The following MRAP2 variants were observed in gnomAD, a reference collection of about 807,000 sequenced individuals.
MRAP2 encodes the protein melanocortin 2 receptor accessory protein 2.
In MRAP2, 20 loss-of-function variants were observed where a neutral mutation model predicts 17.4. The observed-to-expected ratio is 1.15, with a 90% CI of 0.81 to 1.67. MRAP2 has a LOEUF of 1.67. Ranked by LOEUF, MRAP2 falls within the 40% of genes most tolerant of loss-of-function variation. The pLI, the probability that MRAP2 is intolerant of heterozygous loss-of-function variation, is 0.00. For synonymous variants in MRAP2, 96 were observed against 88.4 expected (o/e 1.09, Z -0.48); for missense variants, 238 against 240.0 (o/e 0.99, Z 0.05).
chr6:84,086,144 G>A (rs997458982), intron 3 of MRAP2, among the ~76,000 whole-genome samples: 2 of 152,206 alleles, frequency 1.3e-5, no homozygotes, highest in Non-Finnish European at 2.9e-5. Flanking sequence ...ACATGGTAAT[G>A]GGTCATTGCA....
chr6:84,092,365 C>A (rs947117114), downstream of MRAP2, among the ~76,000 whole-genome samples: 1 of 152,146 alleles, frequency 6.6e-6, no homozygotes, highest in Non-Finnish European at 1.5e-5. Context: ...TCTATATGCA[C>A]AATACATACA....
intron 3 of MRAP2, among the ~76,000 whole-genome samples, chr6:84,073,763 G>T (rs2099496841): frequency 1.3e-5 from 2 of 152,130 alleles, no homozygotes; most frequent in South Asian, 2.1e-4. Flanking sequence ...AGAAGTGTCT[G>T]CCTCCTGGGA....
At chr6:84,121,630 T>A in the MRAP2 span, among the ~76,000 whole-genome samples, 1 of 151,842 alleles carries the variant, frequency 6.6e-6, no homozygotes, top group African/African-American at 2.4e-5. Flanking sequence ...GGTGACGGAG[T>A]AAGACTCCGT....
chr6:84,145,285 C>G, the MRAP2 span, among the ~76,000 whole-genome samples: 1 of 152,062 alleles, frequency 6.6e-6, no homozygotes, highest in Non-Finnish European at 1.5e-5. Context: ...CTTTGGCATG[C>G]GTTTCTAGCC....
chr6:84,133,751 G>C, the MRAP2 span, among the ~76,000 whole-genome samples: 1 of 152,146 alleles, frequency 6.6e-6, no homozygotes, highest in Non-Finnish European at 1.5e-5. Flanking sequence ...CGATTTTCCA[G>C]GTACCGTCTA....
At chr6:84,103,438 T>G in the MRAP2 span, among the ~76,000 whole-genome samples, 1 of 152,100 alleles carries the variant, frequency 6.6e-6, no homozygotes, top group Non-Finnish European at 1.5e-5. Flanking sequence ...CTGCCCTTTT[T>G]TTGCTACAGC....
At chr6:84,072,684 G>A (rs1194748004) in intron 3 of MRAP2, among the ~76,000 whole-genome samples, 1 of 152,156 alleles carries the variant, frequency 6.6e-6, no homozygotes, top group Non-Finnish European at 1.5e-5. Context: ...GGATAGGGAA[G>A]GACCATCGGG....
chr6:84,143,465 T>C, the MRAP2 span, among the ~76,000 whole-genome samples: 1 of 151,794 alleles, frequency 6.6e-6, no homozygotes, highest in Admixed American at 6.6e-5. Context: ...ACAAGGAAAA[T>C]AAGATGTAGT....
intron 3 of MRAP2, among the ~76,000 whole-genome samples, chr6:84,076,876 T>A (rs1206164882): frequency 6.6e-6 from 1 of 152,232 alleles, no homozygotes; most frequent in African/African-American, 2.4e-5. Context: ...ACTTGTGTTG[T>A]CCCTCTGCAA....
the MRAP2 span, among the ~76,000 whole-genome samples, chr6:84,138,587 T>A: frequency 6.6e-6 from 1 of 152,188 alleles, no homozygotes; most frequent in Admixed American, 6.5e-5. Flanking sequence ...TGTCATTACC[T>A]TTACTCAGGA....
At chr6:84,070,972 T>C (rs1588648126) in intron 3 of MRAP2, among the ~76,000 whole-genome samples, 1 of 152,278 alleles carries the variant, frequency 6.6e-6, no homozygotes, top group African/African-American at 2.4e-5. Context: ...GTTAGGTGAG[T>C]CTCCTGAAGA....
intron 1 of MRAP2, among the ~76,000 whole-genome samples, chr6:84,052,492 C>T (rs566604665): frequency 1.3e-5 from 2 of 152,224 alleles, no homozygotes; most frequent in African/African-American, 2.4e-5. Flanking sequence ...CTAGCACTGC[C>T]GTATGTTTGT....
chr6:84,057,837 C>T (rs572336978), intron 2 of MRAP2, among the ~76,000 whole-genome samples: 40 of 151,940 alleles, frequency 2.6e-4, no homozygotes, highest in African/African-American at 6.8e-4. Flanking sequence ...AGTGTGGAGG[C>T]GACAGTATAG....
At chr6:84,110,434 G>T in the MRAP2 span, among the ~76,000 whole-genome samples, 372 of 151,184 alleles carry the variant, frequency 2.5e-3, 1 homozygote, top group African/African-American at 8.1e-3. Flanking sequence ...TTTTGATGGG[G>T]TTTTTTTTTC....
intron 3 of MRAP2, among the ~76,000 whole-genome samples, chr6:84,087,536 T>A (rs998592594): frequency 6.6e-6 from 1 of 152,170 alleles, no homozygotes; most frequent in Non-Finnish European, 1.5e-5. Context: ...AGGTCACAGG[T>A]TGCTGGCACA....
Position 84,089,124 on chromosome 6 carries a change from G to C in MRAP2, c.261G>C (p.Met87Ile), listed in dbSNP as rs774617391. Residue 87 changes from methionine (M) to isoleucine (I), a missense_variant, in exon 4 of 4, where the codon ATG becomes ATC. Coordinates refer to ENST00000257776, the MANE Select transcript of MRAP2 (RefSeq NM_138409.4). Reference sequence around the variant, plus strand: ...AGTCCTCAGAGAAGAGATTCAGAATGAACAGCTTTGTGTCAGACTTTGGAA... The same window carrying C: ...AGTCCTCAGAGAAGAGATTCAGAATCAACAGCTTTGTGTCAGACTTTGGAA... ...NAESSEKRFRMNSFVSDFGRP... is the reference protein window; with the variant it reads ...NAESSEKRFRINSFVSDFGRP... 5.0e-6 allele frequency: 8 copies of C among 1,613,916 alleles called. No homozygotes were observed. The highest frequency in any genetic ancestry group is 8.5e-7 in the Non-Finnish European group (1 of 1,179,946).
intron 3 of MRAP2, among the ~76,000 whole-genome samples, chr6:84,074,024 C>A (rs2099496946): frequency 6.6e-6 from 1 of 152,000 alleles, no homozygotes; most frequent in South Asian, 2.1e-4. Context: ...CAGAAGTGAG[C>A]AGACTGTGGA....
intron 1 of MRAP2, 27 bp from the exon 2 acceptor site, chr6:84,055,285 T>C (rs759949219): frequency 2.5e-6 from 4 of 1,596,216 alleles, no homozygotes; most frequent in Admixed American, 3.7e-5. Context: ...TAACAGGTTC[T>C]GCGCTTGACT....
At chr6:84,132,429 G>A in the MRAP2 span, among the ~76,000 whole-genome samples, 2 of 152,176 alleles carry the variant, frequency 1.3e-5, no homozygotes, top group Non-Finnish European at 2.9e-5. Context: ...ATAATATCCT[G>A]AAGAGTGTTT....
Sources: gnomAD v4.1 joint callset for allele counts (sites outside exome capture counted in the v4.1 genomes callset) on GRCh38, gnomAD v4.1.1 for gene constraint, MANE v1.5 for transcripts, NCBI Gene and HGNC (gene_info 2026-07-23, HGNC 2026-07-21) for gene names.